The following PIP5K1C variants were observed in gnomAD, a reference collection of about 807,000 sequenced individuals.
The protein encoded by PIP5K1C is phosphatidylinositol 4-phosphate 5-kinase type-1 gamma.
A neutral mutation model predicts 80.1 loss-of-function variants in PIP5K1C; 45 were observed. The observed-to-expected ratio is 0.56, with a 90% CI of 0.44 to 0.72. The LOEUF is 0.72. PIP5K1C is among the 30% of genes least tolerant of loss of function. The pLI is 0.00. For synonymous variants in PIP5K1C, 498 were observed against 420.1 expected (o/e 1.19, Z -2.27); for missense variants, 753 against 954.6 (o/e 0.79, Z 2.78).
At chr19:3,644,273 G>A (rs1395667321) in intron 11 of PIP5K1C, 22 bp from the exon 12 acceptor site, 1 of 1,607,272 alleles carries the variant, frequency 6.2e-7, no homozygotes, top group Admixed American at 1.7e-5. Context: ...GGTGGGGGTT[G>A]GTGCTTGGGG....
rs1167381075 is a variant in PIP5K1C, at chr19:3,662,009, G to A, written c.220-8C>T. The A allele has an allele frequency of 1.3e-6, 2 of 1,584,728 alleles. No homozygotes were observed. The highest frequency in any genetic ancestry group is 2.7e-5 in the African/African-American group (2 of 74,500). On this transcript the variant is annotated splice_region_variant and splice_polypyrimidine_tract_variant and intron_variant, in intron 3 of 17. Transcript: ENST00000335312. ...CAGGGTGGAGGAGGTGGTCTGCAGG[G>A]AGACCAGAGTGTCAGGGCCCCCGGC...
intron 15 of PIP5K1C, 23 bp downstream of exon 15, chr19:3,641,682 C>A: frequency 5.0e-6 from 8 of 1,590,568 alleles, no homozygotes; most frequent in Non-Finnish European, 6.8e-6. Context: ...GGCGCCCCGA[C>A]CTCCCGCCGA....
chr19:3,637,146 G>T lies in PIP5K1C; in HGVS notation c.1920+1738C>A. 7.1e-7 allele frequency: 1 copy of T among 1,398,690 alleles called. No individual in the cohort carries two copies. The highest frequency in any genetic ancestry group is 9.3e-7 in the Non-Finnish European group (1 of 1,076,900). The allele number at this position is 1,398,690 out of a possible 1,614,324, so 86.6% of individuals were successfully genotyped here. On this transcript the variant is annotated intron_variant, in intron 16 of 17. Coordinates refer to ENST00000335312, the MANE Select transcript of PIP5K1C (RefSeq NM_012398.3). This position sits in a 1 kb window ranked among gnomAD's most constrained non-coding sequence, Gnocchi z 7.0. ...CAACCTCCCCTGTGCAGCCAGCGGGGCCACGGGCAGCCAGGTCTGCACGAG... is the reference window on the plus strand; with the variant it reads ...CAACCTCCCCTGTGCAGCCAGCGGGTCCACGGGCAGCCAGGTCTGCACGAG...
chr19:3,635,736 T>G (rs1373947093), intron 16 of PIP5K1C, among the ~76,000 whole-genome samples: 2 of 151,556 alleles, frequency 1.3e-5, no homozygotes, highest in Non-Finnish European at 2.9e-5. Context: ...TCCCAGCACT[T>G]TGGGAGGCTG....
At chr19:3,678,362 A>G (rs2145563454) in intron 1 of PIP5K1C, among the ~76,000 whole-genome samples, 3 of 125,682 alleles carry the variant, frequency 2.4e-5, no homozygotes, top group African/African-American at 6.1e-5. Flanking sequence ...GGATGGAGGA[A>G]TGGAGGATGG....
intron 11 of PIP5K1C, among the ~76,000 whole-genome samples, chr19:3,645,771 C>A (rs1480167223): frequency 6.6e-6 from 1 of 152,226 alleles, no homozygotes; most frequent in African/African-American, 2.4e-5. Context: ...GCGGTGGCTC[C>A]AGACCCGTGC....
chr19:3,657,216 C>G (rs192907788), intron 5 of PIP5K1C, among the ~76,000 whole-genome samples: 20 of 152,284 alleles, frequency 1.3e-4, no homozygotes, highest in African/African-American at 4.8e-4. Context: ...ATGATGTGCT[C>G]GCTGTCTCTC....
At chr19:3,656,259 C>A (rs1250501210) in intron 6 of PIP5K1C, 146 bp downstream of exon 6, 1 of 841,926 alleles carries the variant, frequency 1.2e-6, no homozygotes, top group Admixed American at 2.0e-5. Context: ...CGGGGGACCC[C>A]CGAGGGTGAG....
chr19:3,648,775 G>C lies in PIP5K1C; in HGVS notation c.1128-67C>G. 1 of 1,367,956 alleles carries C rather than the reference G, an allele frequency of 7.3e-7. No individual in the cohort carries two copies. Among genetic ancestry groups the C allele is most frequent in the Non-Finnish European group, 1.0e-6 (1 of 960,622 alleles). The allele number at this position is 1,367,956 out of a possible 1,614,324, so 84.7% of individuals were successfully genotyped here. ...CTGGGACTCGGGGCAGGCGGGGCTG[G>C]GGACTCCAGGGCTAGGGAGTCCATC... is the stretch of plus-strand genomic sequence containing the variant. On this transcript the variant is annotated intron_variant, in intron 8 of 17. Transcript: ENST00000335312. The surrounding 1 kb of genome is among the most constrained non-coding windows in gnomAD (Gnocchi z 4.3).
Position 3,644,224 on chromosome 19 carries a change from C to G in PIP5K1C, c.1373G>C (p.Gly458Ala). 6.2e-7 allele frequency: 1 copy of G among 1,612,458 alleles called. No individual in the cohort carries two copies. The highest frequency in any genetic ancestry group is 1.7e-5 in the Admixed American group (1 of 60,014). Residue 458 changes from glycine to alanine, a missense_variant, in exon 12 of 18, where the codon GGG (glycine) becomes GCG (alanine). Gly to Ala is a moderately conservative substitution (Grantham distance 60, BLOSUM62 0). Around this residue, in one of 6 missense-constraint regions of PIP5K1C, gnomAD observed 114 missense variants for 152.4 expected, o/e 0.75. Coordinates refer to ENST00000335312, the MANE Select transcript of PIP5K1C (RefSeq NM_012398.3). ...CACAGCTAGCAAGGCTCCGCCGCGCCCCTTCTTGGAGGGCGAGGACTTCAG... is the reference window on the plus strand; with the variant it reads ...CACAGCTAGCAAGGCTCCGCCGCGCGCCTTCTTGGAGGGCGAGGACTTCAG... The part of the protein sequence containing the change: ...SSLKSSPSKK[G>A]RGGALLAVKP...
At chr19:3,698,207 C>T (rs1032124498) in intron 1 of PIP5K1C, among the ~76,000 whole-genome samples, 2 of 152,190 alleles carry the variant, frequency 1.3e-5, no homozygotes, top group African/African-American at 4.8e-5. Flanking sequence ...GTGGAGAGGC[C>T]GGAAAGGGGT....
At position 3,637,210 on chromosome 19, in the gene PIP5K1C, C is replaced by G; in HGVS notation, c.1920+1674G>C. 1 of 1,434,714 alleles carries G rather than the reference C, an allele frequency of 7.0e-7. No homozygotes were observed. The highest frequency in any genetic ancestry group is 9.1e-7 in the Non-Finnish European group (1 of 1,099,232). 88.9% of individuals were successfully genotyped at this position (1,434,714 alleles called of 1,614,324 possible). On this transcript the variant is annotated intron_variant, in intron 16 of 17. Transcript: ENST00000335312. This position sits in a 1 kb window ranked among gnomAD's most constrained non-coding sequence, Gnocchi z 7.0. ...CCCAAGACACCCTGACACGAGAGGGCTGGGTCCAGGGGCAGAGAGGGGCTC... is the reference window on the plus strand; with the variant it reads ...CCCAAGACACCCTGACACGAGAGGGGTGGGTCCAGGGGCAGAGAGGGGCTC...
In PIP5K1C at chr19:3,646,308, G is replaced by A. The variant is rs372402524; in HGVS notation, c.1261-250C>T. The stretch of plus-strand genomic sequence containing the variant: ...CCACTAGAGACCTGTTAGCATTTTT[G>A]ACTTTTTAAACCAGCTGAATAAAGT... On this transcript the variant is annotated intron_variant, in intron 10 of 17. Coordinates refer to ENST00000335312, the MANE Select transcript of PIP5K1C (RefSeq NM_012398.3). Among the ~76,000 whole-genome samples, 20 of 152,248 alleles carry A rather than the reference G, an allele frequency of 1.3e-4. No homozygotes were observed. The South Asian group carries it at 4.1e-3, about 32-fold the overall frequency.
At chr19:3,666,260 G>A (rs2035003988) in intron 2 of PIP5K1C, among the ~76,000 whole-genome samples, 1 of 152,226 alleles carries the variant, frequency 6.6e-6, no homozygotes, top group Non-Finnish European at 1.5e-5. Context: ...GGTGCCCTGA[G>A]GACTGCATGC....
At chr19:3,650,150 GC>G (rs373101573) in intron 8 of PIP5K1C, 12 of 154,082 alleles carry the variant, frequency 7.8e-5, no homozygotes, top group African/African-American at 2.7e-4. Flanking sequence ...CACCACCGCT[GC>G]AAACCAAAGC....
chr19:3,632,396 C>G lies in PIP5K1C; in HGVS notation c.*771G>C, dbSNP rs1001888826. On this transcript the variant is annotated 3_prime_UTR_variant, in exon 18 of 18. Transcript: ENST00000335312. ...TACGTTGGAAGAGAAGGACAAGTCC[C>G]CAGCCCTGAGCTCCGCCAGCGTGGG... The G allele has an allele frequency of 2.0e-5, 3 of 152,402 alleles. No homozygotes were observed. The highest frequency in any genetic ancestry group is 2.9e-5 in the Non-Finnish European group (2 of 68,210). 9.4% of individuals were successfully genotyped at this position (152,402 alleles called of 1,614,324 possible).
intron 1 of PIP5K1C, among the ~76,000 whole-genome samples, chr19:3,695,369 G>C (rs938409285): frequency 6.6e-6 from 1 of 152,204 alleles, no homozygotes; most frequent in African/African-American, 2.4e-5. Context: ...AACCTGGGAC[G>C]GAGGGGGCAC....
chr19:3,646,651 G>A (rs567000063), intron 10 of PIP5K1C, among the ~76,000 whole-genome samples: 65 of 152,310 alleles, frequency 4.3e-4, no homozygotes, highest in Non-Finnish European at 6.2e-4. Context: ...AGCAGGTTCC[G>A]GGCCTTGGCA....
chr19:3,694,577 G>A (rs1027985968), intron 1 of PIP5K1C, among the ~76,000 whole-genome samples: 2 of 152,218 alleles, frequency 1.3e-5, no homozygotes, highest in Non-Finnish European at 2.9e-5. Context: ...CCCACCAGGC[G>A]CTGTGAATCG....
Sources: allele counts gnomAD v4.1 joint callset (sites outside exome capture counted in the v4.1 genomes callset), GRCh38; gene constraint gnomAD v4.1.1; regional missense constraint gnomAD v4.1.1; non-coding constraint Gnocchi (gnomAD v3.1); transcripts MANE v1.5; gene names NCBI Gene and HGNC (gene_info 2026-07-23, HGNC 2026-07-21).